The following RAB30 variants were observed in gnomAD, a reference collection of about 807,000 sequenced individuals.
RAB30 encodes ras-related protein Rab-30.
Under a neutral mutation model 25.1 loss-of-function variants are expected in RAB30, and 9 were observed. The ratio of observed to expected loss-of-function variants is 0.36; its 90% confidence interval spans 0.22 to 0.63. RAB30 has a LOEUF of 0.63. Ranked by LOEUF, RAB30 falls within the 20% of genes least tolerant of loss-of-function variation. The pLI is 0.69. For missense variants in RAB30, 140 were observed against 243.5 expected, an observed-to-expected ratio of 0.58 and a Z score of 2.83; for synonymous variants, 77 against 86.4, an observed-to-expected ratio of 0.89 and a Z score of 0.60.
intron 1 of RAB30, among the ~76,000 whole-genome samples, chr11:83,030,045 T>C (rs941009551): frequency 6.6e-6 from 1 of 151,412 alleles, no homozygotes; most frequent in Non-Finnish European, 1.5e-5. Context: ...GGGGAAGGAG[T>C]GGGCAAGGGG....
chr11:83,010,600 G>A (rs749136761), intron 1 of RAB30, among the ~76,000 whole-genome samples: 16 of 152,016 alleles, frequency 1.1e-4, no homozygotes, highest in Non-Finnish European at 1.9e-4. Flanking sequence ...TCAATAGTGG[G>A]GAGGGAAACA....
chr11:83,001,046 C>CAA (rs1181057652), intron 1 of RAB30, among the ~76,000 whole-genome samples: 4,842 of 51,672 alleles, frequency 0.094, 556 homozygotes, highest in African/African-American at 0.18. Flanking sequence ...GACTCCGTCT[C>CAA]AAAAAAAAAA....
chr11:83,002,736 T>A (rs1857111709), intron 1 of RAB30, among the ~76,000 whole-genome samples: 1 of 152,116 alleles, frequency 6.6e-6, no homozygotes, highest in African/African-American at 2.4e-5. Flanking sequence ...AAGTTTGCAG[T>A]GACTCATGAT....
intron 1 of RAB30, among the ~76,000 whole-genome samples, chr11:83,000,243 C>T (rs1857048930): frequency 6.6e-6 from 1 of 152,186 alleles, no homozygotes; most frequent in Admixed American, 6.5e-5. Flanking sequence ...ACCCAAGTGC[C>T]TTTCACAATG....
chr11:83,062,513 T>A (rs1211754875), intron 1 of RAB30, among the ~76,000 whole-genome samples: 2 of 152,190 alleles, frequency 1.3e-5, no homozygotes, highest in African/African-American at 4.8e-5. Context: ...ACAGAATTCC[T>A]TTCAAAAAGT....
intron 1 of RAB30, chr11:83,060,326 G>A (rs916872469): frequency 1.3e-5 from 2 of 152,114 alleles, no homozygotes; most frequent in Non-Finnish European, 2.9e-5. Flanking sequence ...ATTGACCGAG[G>A]CCAGGATTAT....
At chr11:83,042,873 T>A (rs954980672) in intron 1 of RAB30, among the ~76,000 whole-genome samples, 3 of 152,214 alleles carry the variant, frequency 2.0e-5, no homozygotes, top group Admixed American at 6.5e-5. Flanking sequence ...GGGAGACTCC[T>A]ATAGATTTAG....
At chr11:83,037,543 C>T (rs1858012927) in intron 1 of RAB30, among the ~76,000 whole-genome samples, 1 of 152,136 alleles carries the variant, frequency 6.6e-6, no homozygotes, top group Admixed American at 6.6e-5. Context: ...AGCCACTGGA[C>T]CCAGCCGAAT....
intron 1 of RAB30, among the ~76,000 whole-genome samples, chr11:83,007,273 T>G (rs1298960075): frequency 6.6e-6 from 1 of 152,110 alleles, no homozygotes; most frequent in Non-Finnish European, 1.5e-5. Context: ...CATGAACACA[T>G]GCCATGGATT....
At chr11:83,009,761 G>C (rs1857265197) in intron 1 of RAB30, among the ~76,000 whole-genome samples, 1 of 152,144 alleles carries the variant, frequency 6.6e-6, no homozygotes, top group Non-Finnish European at 1.5e-5. Context: ...GAAGTAGAAA[G>C]AGGCACAACT....
chr11:83,000,452 C>T (rs939506327), intron 1 of RAB30, among the ~76,000 whole-genome samples: 5 of 152,152 alleles, frequency 3.3e-5, no homozygotes, highest in Admixed American at 1.3e-4. Context: ...AATTCAATAA[C>T]GCTATTAGAA....
intron 1 of RAB30, among the ~76,000 whole-genome samples, chr11:83,069,207 C>T (rs1858775846): frequency 6.6e-6 from 1 of 152,156 alleles, no homozygotes; most frequent in African/African-American, 2.4e-5. Context: ...CATTTCTCCT[C>T]CCTAGGACAA....
At chr11:83,061,314 T>A (rs2121520630) in intron 1 of RAB30, among the ~76,000 whole-genome samples, 1 of 152,220 alleles carries the variant, frequency 6.6e-6, no homozygotes, top group Admixed American at 6.5e-5. Flanking sequence ...CACTGACTAA[T>A]ACAGGTAATA....
At chr11:83,024,473 GT>G (rs1311370781) in intron 1 of RAB30, among the ~76,000 whole-genome samples, 2 of 152,218 alleles carry the variant, frequency 1.3e-5, no homozygotes, top group Non-Finnish European at 2.9e-5. Flanking sequence ...TTCTTGAGCA[GT>G]TTTATGGAAG....
rs1856619355 is a variant in RAB30, at chr11:82,980,513, T to C, written c.*1652A>G. ...AAACATCAACATATCAGAACTGAGA[T>C]TGTCACCATCTACAGCAACAGTGGA... is the stretch of plus-strand genomic sequence containing the variant. On this transcript the variant is annotated 3_prime_UTR_variant, in exon 5 of 5. Coordinates refer to ENST00000527633, the MANE Select transcript of RAB30 (RefSeq NM_001286060.2). 2 of 152,228 alleles carry C rather than the reference T, an allele frequency of 1.3e-5. No individual in the cohort carries two copies. The highest frequency in any genetic ancestry group is 2.9e-5 in the Non-Finnish European group (2 of 68,050). The allele number at this position is 152,228 out of a possible 1,614,324, so 9.4% of individuals were successfully genotyped here. A position where few individuals can be genotyped will look rare whatever the true frequency, so the allele number is the denominator to read the frequency against.
intron 1 of RAB30, among the ~76,000 whole-genome samples, chr11:83,032,103 C>T (rs1224841814): frequency 1.3e-5 from 2 of 151,890 alleles, no homozygotes; most frequent in Non-Finnish European, 2.9e-5. Context: ...TGTGTGCCCA[C>T]ACTACAACCC....
At chr11:83,057,990 C>G (rs1858491143) in intron 1 of RAB30, among the ~76,000 whole-genome samples, 1 of 152,146 alleles carries the variant, frequency 6.6e-6, no homozygotes, top group African/African-American at 2.4e-5. Context: ...AGACCTGAGC[C>G]TTGTTTTACC....
intron 1 of RAB30, among the ~76,000 whole-genome samples, chr11:83,011,140 T>C (rs1190342187): frequency 1.3e-5 from 2 of 152,264 alleles, no homozygotes; most frequent in East Asian, 1.9e-4. Context: ...TAACATTTTG[T>C]ATGTACCATA....
intron 3 of RAB30, among the ~76,000 whole-genome samples, chr11:82,991,449 G>GTGAGC (rs1856848547): frequency 6.9e-6 from 1 of 145,512 alleles, no homozygotes; most frequent in African/African-American, 2.5e-5. Context: ...CGAGGCTGCA[G>GTGAGC]TGAGCTGTGA....
Sources: gnomAD v4.1 joint callset for allele counts (sites outside exome capture counted in the v4.1 genomes callset) on GRCh38, gnomAD v4.1.1 for gene constraint, MANE v1.5 for transcripts, NCBI Gene and HGNC (gene_info 2026-07-23, HGNC 2026-07-21) for gene names.